HPS3: variants seen among roughly 807,000 people sequenced by gnomAD.
HPS3 encodes the protein BLOC-2 complex member HPS3.
A neutral mutation model predicts 110.9 loss-of-function variants in HPS3; 79 were observed. That is an observed-to-expected ratio of 0.71 (90% confidence interval 0.59 to 0.86). HPS3 has a LOEUF of 0.86. Among genes scored for constraint, HPS3 ranks in the 40% least tolerant of loss-of-function variants. The pLI, the probability that HPS3 is intolerant of heterozygous loss-of-function variation, is 0.00. For missense variants in HPS3, 1,197 were observed against 1,206.2 expected, an observed-to-expected ratio of 0.99 and a Z score of 0.11; for synonymous variants, 428 against 451.0, an observed-to-expected ratio of 0.95 and a Z score of 0.65.
chr3:149,148,129 T>A (rs1722891662), intron 5 of HPS3, among the ~76,000 whole-genome samples: 1 of 152,106 alleles, frequency 6.6e-6, no homozygotes, highest in Non-Finnish European at 1.5e-5. Context: ...CGCCACGGCC[T>A]CCCAAAGTGC....
In HPS3 at chr3:149,161,465, T is replaced by TTAAA. The variant is rs1553754462; in HGVS notation, c.2107-683_2107-682insTAAA. On this transcript the variant is annotated intron_variant, in intron 11 of 16. Coordinates refer to ENST00000296051, the MANE Select transcript of HPS3 (RefSeq NM_032383.5). The stretch of plus-strand genomic sequence containing the variant: ...TACTGCATTGTTTAGGGAATAATAA[T>TTAAA]AAAATCTGTACATGTTCAGAACAGA... 4.4e-4 allele frequency among the ~76,000 whole-genome samples: 65 copies of TTAAA among 148,580 alleles called. 1 individual carries two copies. Among genetic ancestry groups the TTAAA allele is most frequent in the African/African-American group, 1.3e-3 (53 of 40,122 alleles).
chr3:149,135,852 C>T lies in HPS3; in HGVS notation c.218-4152C>T, dbSNP rs532167788. ...CATTAGCACAAGTGTACTAAACCAGCCCCAGCCCATCTACCCCTCCCACAA... is the reference window on the plus strand; with the variant it reads ...CATTAGCACAAGTGTACTAAACCAGTCCCAGCCCATCTACCCCTCCCACAA... On this transcript the variant is annotated intron_variant, in intron 1 of 16. Transcript: ENST00000296051. 6.6e-5 allele frequency among the ~76,000 whole-genome samples: 10 copies of T among 152,136 alleles called. 1 individual carries two copies. The highest frequency in any genetic ancestry group is 2.4e-4 in the African/African-American group (10 of 41,498).
chr3:149,163,938 T>C lies in HPS3; in HGVS notation c.2578T>C (p.Ser860Pro). Residue 860 changes from serine (S) to proline (P), a missense_variant, in exon 14 of 17, where the codon TCA (serine) becomes CCA (proline). Transcript: ENST00000296051. ...TGATAAAAATTATACAGAAGATCTT[T>C]CAAAATTACAGGTAAGTAAAAATAC... ...LADKNYTEDL[S>P]KLQSLICGPS... 2 of 1,479,876 alleles carry C rather than the reference T, an allele frequency of 1.4e-6. No homozygotes were observed. The highest frequency in any genetic ancestry group is 9.5e-7 in the Non-Finnish European group (1 of 1,057,636). The allele number at this position is 1,479,876 out of a possible 1,614,324, so 91.7% of individuals were successfully genotyped here.
rs1722726229 is a variant in HPS3 at position 149,145,353 on chromosome 3, G to T, written c.971-1G>T. On this transcript the variant is annotated splice_acceptor_variant, in intron 4 of 16. Transcript: ENST00000296051. LOFTEE classifies it high-confidence loss of function. Reference sequence around the variant, plus strand: ...TTTATTTCTTTCATTTTTGCATGCAGGTTCTCTTACATCTGATGGAAAAAA... The same window carrying T: ...TTTATTTCTTTCATTTTTGCATGCATGTTCTCTTACATCTGATGGAAAAAA... The T allele has an allele frequency of 6.2e-7, 1 of 1,609,850 alleles. No individual in the cohort carries two copies. Among genetic ancestry groups the T allele is most frequent in the East Asian group, 2.2e-5 (1 of 44,856 alleles).
intron 14 of HPS3, among the ~76,000 whole-genome samples, chr3:149,166,368 G>A (rs1385283756): frequency 6.6e-6 from 1 of 152,170 alleles, no homozygotes; most frequent in Non-Finnish European, 1.5e-5. Flanking sequence ...AGGAAGGGGT[G>A]TAAAGAAAAC....
chr3:149,166,493 A>C (rs1724429014), intron 14 of HPS3, among the ~76,000 whole-genome samples: 1 of 152,222 alleles, frequency 6.6e-6, no homozygotes, highest in Non-Finnish European at 1.5e-5. Flanking sequence ...GATCATGTTC[A>C]GAATATAATT....
chr3:149,161,248 C>T (rs1169897730), intron 11 of HPS3, among the ~76,000 whole-genome samples: 1 of 152,166 alleles, frequency 6.6e-6, no homozygotes, highest in Non-Finnish European at 1.5e-5. Flanking sequence ...TATTAGTCAT[C>T]ACTTGGTATT....
intron 13 of HPS3, 85 bp from the exon 14 acceptor site, chr3:149,163,757 T>G (rs1172080664): frequency 3.9e-6 from 3 of 772,222 alleles, no homozygotes; most frequent in Non-Finnish European, 6.9e-6. Flanking sequence ...TGGCAGAGAA[T>G]TAATGATTGC....
At chr3:149,164,221 A>T (rs1174734431) in intron 14 of HPS3, among the ~76,000 whole-genome samples, 1 of 152,162 alleles carries the variant, frequency 6.6e-6, no homozygotes, top group Non-Finnish European at 1.5e-5. Flanking sequence ...CATTTTCAGG[A>T]TGGGCTTGAA....
At chr3:149,146,880 CT>C (rs556382064) in intron 5 of HPS3, among the ~76,000 whole-genome samples, 1 of 151,906 alleles carries the variant, frequency 6.6e-6, no homozygotes, top group Non-Finnish European at 1.5e-5. Flanking sequence ...AAACTAAGGA[CT>C]TTTTTTTAAA....
Position 149,157,395 on chromosome 3 carries a change from A to G in HPS3, c.1555A>G (p.Ile519Val). The change falls in exon 9 of 17, where the codon ATT becomes GTT. Residue 519 changes from isoleucine (I) to valine (V), a missense_variant. Ile to Val is a conservative substitution (Grantham distance 29). Transcript: ENST00000296051. ...TYKTVKTQSC[I>V]HLLSEAHLLV... ...TAAGACTGTCAAAACCCAGAGCTGC[A>G]TTCACCTTCTCAGTGAGGCTCATCT... The G allele has an allele frequency of 6.2e-7, 1 of 1,613,914 alleles. No individual in the cohort carries two copies. Among genetic ancestry groups the G allele is most frequent in the Non-Finnish European group, 8.5e-7 (1 of 1,179,868 alleles).
At chr3:149,159,033 G>T (rs569299397) in intron 10 of HPS3, among the ~76,000 whole-genome samples, 187 bp downstream of exon 10, 1 of 152,206 alleles carries the variant, frequency 6.6e-6, no homozygotes, top group East Asian at 1.9e-4. Context: ...AGAACTTATG[G>T]ATAATCTTCT....
chr3:149,158,560 G>C, intron 9 of HPS3, 106 bp from the exon 10 acceptor site: 1 of 1,075,942 alleles, frequency 9.3e-7, no homozygotes, highest in Admixed American at 1.7e-5. Context: ...GGCTGAGGTA[G>C]GATAATCACT....
At chr3:149,161,877 G>T (rs768116463) in intron 11 of HPS3, among the ~76,000 whole-genome samples, 1 of 152,126 alleles carries the variant, frequency 6.6e-6, no homozygotes, top group Non-Finnish European at 1.5e-5. Flanking sequence ...ACAGAAAATT[G>T]ACTGCATTTT....
In HPS3 at chr3:149,160,253, A is replaced by G; in HGVS notation, c.2080A>G (p.Arg694Gly). The stretch of plus-strand genomic sequence containing the variant: ...GAAAATGGGAGATCTTGACATGCAC[A>G]GAAATGAAATGAAAAGCCATTCAGA... Reference protein sequence around the residue: ...ALKMGDLDMHRNEMKSHSEMK... With the variant: ...ALKMGDLDMHGNEMKSHSEMK... Residue 694 changes from arginine (R) to glycine (G), a missense_variant, in exon 11 of 17, where the codon AGA becomes GGA. By Grantham distance (125) the Arg-to-Gly change is moderately radical. Transcript: ENST00000296051. 6.2e-7 allele frequency: 1 copy of G among 1,613,518 alleles called. No individual in the cohort carries two copies. Among genetic ancestry groups the G allele is most frequent in the Non-Finnish European group, 8.5e-7 (1 of 1,179,534 alleles).
intron 5 of HPS3, among the ~76,000 whole-genome samples, chr3:149,149,307 T>C (rs1256729036): frequency 6.6e-6 from 1 of 152,100 alleles, no homozygotes; most frequent in Non-Finnish European, 1.5e-5. Context: ...CTATTTGTTT[T>C]TGCGGTCATA....
rs771350042 is a variant in HPS3, at chr3:149,150,596, C to T, written c.1164-3C>T. The T allele has an allele frequency of 1.2e-6, 2 of 1,613,712 alleles. No individual in the cohort carries two copies. Among genetic ancestry groups the T allele is most frequent in the South Asian group, 2.2e-5 (2 of 91,074 alleles). ...GCTCAGCAGCCTGTGTCTTCCTCCT[C>T]AGTAACAACCTGCAGTGTTTCACTG... On this transcript the variant is annotated splice_region_variant and splice_polypyrimidine_tract_variant and intron_variant, in intron 5 of 16. Transcript: ENST00000296051.
chr3:149,137,527 G>T (rs1341430318), intron 1 of HPS3, among the ~76,000 whole-genome samples: 2 of 152,178 alleles, frequency 1.3e-5, no homozygotes, highest in African/African-American at 4.8e-5. Flanking sequence ...GCACACCAAT[G>T]TTTGTAGCAA....
chr3:149,167,954 AG>A lies in HPS3; in HGVS notation c.2859del (p.Lys953AsnfsTer9). On this transcript the variant is annotated frameshift_variant, in exon 16 of 17. Transcript: ENST00000296051. LOFTEE classifies it high-confidence loss of function. ...LCQRIKCGGE[K>X]YQLYLSSLKE... is the part of the protein sequence containing the mutation. ...CAGAGAATAAAATGTGGTGGAGAGAAGTATCAACTCTACCTGTCATCATTAA... is the reference window on the plus strand; with the variant it reads ...CAGAGAATAAAATGTGGTGGAGAGAATATCAACTCTACCTGTCATCATTAA... 6.3e-7 allele frequency: 1 copy of A among 1,597,074 alleles called. No individual in the cohort carries two copies. Among genetic ancestry groups the A allele is most frequent in the Non-Finnish European group, 8.6e-7 (1 of 1,164,704 alleles).
Sources: gnomAD v4.1 joint callset for allele counts (sites outside exome capture counted in the v4.1 genomes callset) on GRCh38, gnomAD v4.1.1 for gene constraint, MANE v1.5 for transcripts, NCBI Gene and HGNC (gene_info 2026-07-23, HGNC 2026-07-21) for gene names.